RARS1: variants seen among roughly 807,000 people sequenced by gnomAD.
RARS1 encodes arginyl-tRNA synthetase 1, also known as arginine--tRNA ligase, cytoplasmic.
Under a neutral mutation model 78.7 loss-of-function variants are expected in RARS1, and 75 were observed. The observed-to-expected ratio is 0.95, with a 90% CI of 0.79 to 1.15. RARS1 has a LOEUF of 1.15. RARS1 is among the 50% of genes most tolerant of loss of function. The pLI, the probability that RARS1 is intolerant of heterozygous loss-of-function variation, is 0.00. For synonymous variants in RARS1, 273 were observed against 268.2 expected (o/e 1.02, Z -0.18); for missense variants, 787 against 787.5 (o/e 1.00, Z 0.01).
At chr5:168,502,147 A>C (rs1349171905) in intron 9 of RARS1, 42 bp downstream of exon 9, 1 of 1,567,446 alleles carries the variant, frequency 6.4e-7, no homozygotes, top group Non-Finnish European at 8.6e-7. Context: ...GAAATTTTCA[A>C]ACATAGGCAA....
chr5:168,493,024 A>G, intron 3 of RARS1, 177 bp downstream of exon 3: 1 of 548,040 alleles, frequency 1.8e-6, no homozygotes, highest in Non-Finnish European at 3.1e-6. Context: ...TTTTAGGCAC[A>G]ATTTTTAAGG....
At position 168,518,095 on chromosome 5, in the gene RARS1, TAG is replaced by T. The variant is rs1222174910; in HGVS notation, c.1873+34_1873+35del. 3.2e-4 allele frequency: 422 copies of T among 1,338,142 alleles called. 9 individuals carry two copies. In the African/African-American group the frequency reaches 6.3e-3, roughly 20 times the overall value. The allele number at this position is 1,338,142 out of a possible 1,614,324, so 82.9% of individuals were successfully genotyped here. Reference sequence around the variant, plus strand: ...TCTTTTTTTTTTTTTTTTTTTTTTTTAGTGAGAGACACGGATCTTGCTCTGTC... The same window carrying T: ...TCTTTTTTTTTTTTTTTTTTTTTTTTTGAGAGACACGGATCTTGCTCTGTC... On this transcript the variant is annotated intron_variant, in intron 14 of 14. Transcript: ENST00000231572.
intron 2 of RARS1, among the ~76,000 whole-genome samples, chr5:168,490,724 G>C (rs1013533414): frequency 3.3e-5 from 5 of 152,142 alleles, no homozygotes; most frequent in Admixed American, 1.3e-4. Flanking sequence ...GAGACAACTT[G>C]TTGAATTGAT....
Position 168,518,071 on chromosome 5 carries a change from C to CTTTTTTTTTTTTTTTTTTTTTTT in RARS1, c.1873+11_1873+33dup, listed in dbSNP as rs747777615. On this transcript the variant is annotated intron_variant, in intron 14 of 14. Coordinates refer to ENST00000231572, the MANE Select transcript of RARS1 (RefSeq NM_002887.4). ...GAAAGATAGACAGACTGGTGAGTGT[C>CTTTTTTTTTTTTTTTTTTTTTTT]TTTTTTTTTTTTTTTTTTTTTTTTA... 155 of 748,144 alleles carry CTTTTTTTTTTTTTTTTTTTTTTT rather than the reference C, an allele frequency of 2.1e-4. 18 individuals are homozygous for CTTTTTTTTTTTTTTTTTTTTTTT. The highest frequency in any genetic ancestry group is 7.0e-4 in the Middle Eastern group (1 of 1,422). 46.3% of individuals were successfully genotyped at this position (748,144 alleles called of 1,614,324 possible).
Position 168,518,071 on chromosome 5 carries a change from C to CGTTTTTT in RARS1, c.1873+9_1873+10insGTTTTTT. On this transcript the variant is annotated intron_variant, in intron 14 of 14. Coordinates refer to ENST00000231572, the MANE Select transcript of RARS1 (RefSeq NM_002887.4). ...GAAAGATAGACAGACTGGTGAGTGT[C>CGTTTTTT]TTTTTTTTTTTTTTTTTTTTTTTTA... The CGTTTTTT allele has an allele frequency of 1.3e-6, 1 of 747,560 alleles. No homozygotes were observed. Among genetic ancestry groups the CGTTTTTT allele is most frequent in the Non-Finnish European group, 1.6e-6 (1 of 622,936 alleles). 46.3% of individuals were successfully genotyped at this position (747,560 alleles called of 1,614,324 possible).
At chr5:168,508,619 CAAAAAAAA>C (rs34579916) in intron 11 of RARS1, among the ~76,000 whole-genome samples, 5 of 61,256 alleles carry the variant, frequency 8.2e-5, no homozygotes, top group African/African-American at 1.9e-4. Flanking sequence ...GACTCTGTCT[CAAAAAAAA>C]AAAAAAAAAA....
At chr5:168,505,048 A>G (rs1340568315) in intron 9 of RARS1, among the ~76,000 whole-genome samples, 1 of 152,234 alleles carries the variant, frequency 6.6e-6, no homozygotes, top group Non-Finnish European at 1.5e-5. Context: ...AAATAGGCAC[A>G]GAGAAGTTAG....
Position 168,501,993 on chromosome 5 carries a change from T to C in RARS1, c.953-8T>C. On this transcript the variant is annotated splice_region_variant and splice_polypyrimidine_tract_variant and intron_variant, in intron 8 of 14. Coordinates refer to ENST00000231572, the MANE Select transcript of RARS1 (RefSeq NM_002887.4). The stretch of plus-strand genomic sequence containing the variant: ...TTTTATTTGGTGGCATTTTATTTTC[T>C]TCCCTAGAGTTAAATAAAATCTATG... 6.3e-7 allele frequency: 1 copy of C among 1,581,060 alleles called. No homozygotes were observed. The highest frequency in any genetic ancestry group is 1.9e-5 in the Admixed American group (1 of 52,086).
intron 12 of RARS1, among the ~76,000 whole-genome samples, chr5:168,512,232 GA>G (rs1164274911): frequency 3.9e-5 from 6 of 152,160 alleles, no homozygotes; most frequent in African/African-American, 1.4e-4. Context: ...CCTATTGATG[GA>G]CATTAGGATT....
chr5:168,495,274 T>A (rs1758160550), intron 5 of RARS1, 41 bp from the exon 6 acceptor site: 1 of 1,598,628 alleles, frequency 6.3e-7, no homozygotes, highest in South Asian at 1.1e-5. Context: ...TCTTTATGTT[T>A]ATGCCCCTCT....
chr5:168,506,678 TTC>T, intron 10 of RARS1, 42 bp from the exon 11 acceptor site: 1 of 1,429,934 alleles, frequency 7.0e-7, no homozygotes, highest in Non-Finnish European at 9.7e-7. Context: ...CTTTTTTTTT[TTC>T]TTTAAAGAAG....
intron 1 of RARS1, 58 bp downstream of exon 1, chr5:168,486,601 C>T: frequency 1.3e-6 from 2 of 1,534,786 alleles, no homozygotes; most frequent in Admixed American, 2.0e-5. Context: ...GCTCTGACTC[C>T]TGCCCAAGCG....
chr5:168,488,720 T>C lies in RARS1; in HGVS notation c.164T>C (p.Leu55Pro). The stretch of plus-strand genomic sequence containing the variant: ...GAAAATTTAAAATTAAAGTATCGAC[T>C]GAATATTCTTCGAAAGGTGAGTACT... ...QEENLKLKYR[L>P]NILRKSLQAE... Residue 55 changes from leucine (L) to proline (P), a missense_variant, in exon 2 of 15, where the codon CTG becomes CCG. Coordinates refer to ENST00000231572, the MANE Select transcript of RARS1 (RefSeq NM_002887.4). The C allele has an allele frequency of 1.2e-6, 2 of 1,607,114 alleles. No homozygotes were observed. Among genetic ancestry groups the C allele is most frequent in the Non-Finnish European group, 1.7e-6 (2 of 1,178,034 alleles).
At chr5:168,488,331 T>A in intron 1 of RARS1, 1 of 378,228 alleles carries the variant, frequency 2.6e-6, no homozygotes, top group Non-Finnish European at 4.9e-6. Flanking sequence ...TTTCGCTATG[T>A]TTGCCATGCT....
In RARS1 at chr5:168,508,770, T is replaced by TGTG. The variant is rs1294758042; in HGVS notation, c.1347-1811_1347-1810insGTG. On this transcript the variant is annotated intron_variant, in intron 11 of 14. Transcript: ENST00000231572. Reference sequence around the variant, plus strand: ...ATAATTTTTTTTTAATTTCATCATCTTCCTGCTATTCCTTGTACATCTGTT... The same window carrying TGTG: ...ATAATTTTTTTTTAATTTCATCATCTGTGTCCTGCTATTCCTTGTACATCTGTT... Among the ~76,000 whole-genome samples the TGTG allele has an allele frequency of 1.3e-3, 191 of 152,310 alleles. 1 individual carries two copies. Among genetic ancestry groups the TGTG allele is most frequent in the African/African-American group, 4.2e-3 (175 of 41,550 alleles).
intron 8 of RARS1, among the ~76,000 whole-genome samples, chr5:168,501,154 T>G (rs560566569): frequency 2.6e-5 from 4 of 152,320 alleles, no homozygotes; most frequent in African/African-American, 9.6e-5. Flanking sequence ...GTTTTCTAAC[T>G]TGACATAATA....
intron 8 of RARS1, among the ~76,000 whole-genome samples, chr5:168,501,028 G>T (rs954764048): frequency 1.3e-5 from 2 of 152,180 alleles, no homozygotes; most frequent in African/African-American, 4.8e-5. Context: ...ATTCAGAAAT[G>T]TGTAGGACCA....
At chr5:168,488,080 C>T (rs182036864) in intron 1 of RARS1, 56 of 285,968 alleles carry the variant, frequency 2.0e-4, no homozygotes, top group Admixed American at 7.4e-4. Flanking sequence ...ATACTTACTC[C>T]GATTCCTGTC....
Position 168,494,586 on chromosome 5 carries a change from C to T in RARS1, c.515C>T (p.Ser172Leu), listed in dbSNP as rs372169239. The change falls in exon 5 of 15, where the codon TCA (serine) becomes TTA (leucine). Residue 172 changes from serine (S) to leucine (L), a missense_variant. By Grantham distance (145) the Ser-to-Leu change is moderately radical. Transcript: ENST00000231572. Reference protein sequence around the residue: ...INVHLRKDFVSEQLTSLLVNG... With the variant: ...INVHLRKDFVLEQLTSLLVNG... ...GTCCACTTAAGAAAGGATTTTGTATCAGAACAATTGACCAGTCTTCTAGTG... is the reference window on the plus strand; with the variant it reads ...GTCCACTTAAGAAAGGATTTTGTATTAGAACAATTGACCAGTCTTCTAGTG... 5.0e-6 allele frequency: 8 copies of T among 1,611,646 alleles called. No individual in the cohort carries two copies. In the Admixed American group the frequency reaches 8.3e-5, roughly 17 times the overall value.
Sources: gnomAD v4.1 joint callset for allele counts (sites outside exome capture counted in the v4.1 genomes callset) on GRCh38, gnomAD v4.1.1 for gene constraint, MANE v1.5 for transcripts, NCBI Gene and HGNC (gene_info 2026-07-23, HGNC 2026-07-21) for gene names.